The following ABLIM1 variants were observed in gnomAD, a reference collection of about 807,000 sequenced individuals.
The protein encoded by ABLIM1 is actin binding LIM protein 1.
A neutral mutation model predicts 107.0 loss-of-function variants in ABLIM1; 40 were observed. The ratio of observed to expected loss-of-function variants is 0.37; its 90% CI spans 0.29 to 0.49. The LOEUF is 0.49. ABLIM1 is among the 20% of genes least tolerant of loss of function. ABLIM1 has a pLI of 0.97. For missense variants in ABLIM1, 857 were observed against 1,008.5 expected (o/e 0.85, Z 2.04); for synonymous variants, 357 against 357.3 (o/e 1.00, Z 0.01).
At chr10:114,447,406 T>C (rs2061176720) in intron 15 of ABLIM1, among the ~76,000 whole-genome samples, 2 of 152,216 alleles carry the variant, frequency 1.3e-5, no homozygotes, top group African/African-American at 4.8e-5. Flanking sequence ...AAAATGAAAG[T>C]GCTTCAGTGT....
intron 2 of ABLIM1, among the ~76,000 whole-genome samples, chr10:114,583,930 A>T (rs2073904154): frequency 6.6e-6 from 1 of 152,036 alleles, no homozygotes; most frequent in Non-Finnish European, 1.5e-5. Flanking sequence ...GTACATATGG[A>T]CATAAAGATG....
intron 4 of ABLIM1, among the ~76,000 whole-genome samples, chr10:114,569,567 C>T (rs1456543648): frequency 6.6e-6 from 1 of 152,164 alleles, no homozygotes; most frequent in Non-Finnish European, 1.5e-5. Context: ...ATCTGCCCGT[C>T]TCAGCCTCTC....
chr10:114,625,647 G>GC (rs1367816056), intron 1 of ABLIM1, among the ~76,000 whole-genome samples: 5 of 152,184 alleles, frequency 3.3e-5, no homozygotes, highest in African/African-American at 1.2e-4. Context: ...CATAAAAGGG[G>GC]GGGGTACAGT....
chr10:114,690,644 T>C, intron 1 of ABLIM1: 1 of 704,190 alleles, frequency 1.4e-6, no homozygotes, highest in Non-Finnish European at 2.5e-6. Context: ...TGACTATGGC[T>C]GATACTACAG....
At chr10:114,677,666 T>C (rs2080549147) in intron 1 of ABLIM1, among the ~76,000 whole-genome samples, 1 of 152,192 alleles carries the variant, frequency 6.6e-6, no homozygotes, top group South Asian at 2.1e-4. Context: ...TTCCACCTAC[T>C]TGGGAGGCTG....
At chr10:114,481,330 A>G (rs2057339169) in intron 8 of ABLIM1, among the ~76,000 whole-genome samples, 1 of 151,394 alleles carries the variant, frequency 6.6e-6, no homozygotes, top group Non-Finnish European at 1.5e-5. Context: ...ATATTCATCT[A>G]ATTTGCATTT....
rs2081414994 is a variant in ABLIM1 at position 114,706,083 on chromosome 10, C to T, written c.-213+61978G>A. Among the ~76,000 whole-genome samples, 3 of 152,172 alleles carry T rather than the reference C, an allele frequency of 2.0e-5. No homozygotes were observed. In the South Asian group the frequency reaches 6.2e-4, roughly 32 times the overall value. On this transcript the variant is annotated intron_variant, in intron 1 of 15. Transcript: ENST00000651092. ...CTCAAGTGCAAGAAAGACTACAATCCTTCTTGATGACAATCTCAGAATCTG... is the reference window on the plus strand; with the variant it reads ...CTCAAGTGCAAGAAAGACTACAATCTTTCTTGATGACAATCTCAGAATCTG...
intron 1 of ABLIM1, among the ~76,000 whole-genome samples, chr10:114,754,199 G>A (rs79012747): frequency 0.011 from 1,623 of 152,228 alleles, 20 homozygotes; most frequent in African/African-American, 0.036. Flanking sequence ...TGAACTTCTA[G>A]GTCATGTCTA....
chr10:114,619,186 TTCTC>T lies in ABLIM1; in HGVS notation c.245-17229_245-17226del, dbSNP rs1485241402. Among the ~76,000 whole-genome samples, 1 of 151,520 alleles carries T rather than the reference TTCTC, an allele frequency of 6.6e-6. No individual in the cohort carries two copies. Among genetic ancestry groups the T allele is most frequent in the Non-Finnish European group, 1.5e-5 (1 of 67,900 alleles). The stretch of plus-strand genomic sequence containing the variant: ...ATTATATTTTTTCTTTTTTTTTTCT[TTCTC>T]TTTCTTTCTTTTCTTTTTTTTTTTG... On this transcript the variant is annotated intron_variant, in intron 1 of 22. Transcript: ENST00000533213. This position sits in a 1 kb window ranked among gnomAD's most constrained non-coding sequence, Gnocchi z 4.1.
intron 4 of ABLIM1, among the ~76,000 whole-genome samples, chr10:114,548,919 C>T (rs1371748379): frequency 6.6e-6 from 1 of 152,200 alleles, no homozygotes; most frequent in African/African-American, 2.4e-5. Context: ...AAACAACCCC[C>T]TCTTCTGACC....
chr10:114,633,042 C>T (rs577350795), intron 1 of ABLIM1, among the ~76,000 whole-genome samples: 18 of 152,294 alleles, frequency 1.2e-4, no homozygotes, highest in African/African-American at 3.8e-4. Flanking sequence ...GGGTCCCGAC[C>T]GCATGCCATA....
chr10:114,776,687 T>G, the ABLIM1 span, among the ~76,000 whole-genome samples: 1 of 152,206 alleles, frequency 6.6e-6, no homozygotes, highest in Non-Finnish European at 1.5e-5. Context: ...TGCAGTGGTG[T>G]GATCATAGCT....
rs868793808 is a variant in ABLIM1, at chr10:114,663,850, G to A, written c.64+20440C>T. 2.4e-4 allele frequency among the ~76,000 whole-genome samples: 37 copies of A among 152,336 alleles called. 1 individual carries two copies. The Middle Eastern group carries it at 0.017, about 70-fold the overall frequency. On this transcript the variant is annotated intron_variant, in intron 1 of 23. Coordinates refer to the ABLIM1 transcript ENST00000369256. ...ATTTCTCTGCACCTCCCCTGACGGA[G>A]TTGCTGACCTTGGAGCAGGTACACG... is the stretch of plus-strand genomic sequence containing the variant.
intron 8 of ABLIM1, among the ~76,000 whole-genome samples, chr10:114,487,668 T>C (rs2058380740): frequency 6.6e-6 from 1 of 152,228 alleles, no homozygotes; most frequent in African/African-American, 2.4e-5. Flanking sequence ...TGATGAGTCG[T>C]TGTTTTCCCA....
chr10:114,463,132 A>G, intron 12 of ABLIM1: 8 of 1,315,994 alleles, frequency 6.1e-6, no homozygotes, highest in Non-Finnish European at 7.0e-6. Flanking sequence ...GTGCGCAGGT[A>G]CGACAACCTC....
intron 1 of ABLIM1, among the ~76,000 whole-genome samples, chr10:114,725,651 T>G (rs1273419960): frequency 6.6e-6 from 1 of 151,970 alleles, no homozygotes; most frequent in Non-Finnish European, 1.5e-5. Context: ...GGGAGCTATG[T>G]AGGTATCAGG....
At chr10:114,687,510 A>G (rs1445021562), upstream of ABLIM1, among the ~76,000 whole-genome samples, 5 of 152,230 alleles carry the variant, frequency 3.3e-5, no homozygotes, top group Non-Finnish European at 5.9e-5. Flanking sequence ...TCTGTTTGCA[A>G]TTAAGGTATG....
At chr10:114,544,680 C>A (rs1008737124) in intron 6 of ABLIM1, among the ~76,000 whole-genome samples, 2 of 152,164 alleles carry the variant, frequency 1.3e-5, no homozygotes, top group African/African-American at 4.8e-5. Flanking sequence ...GATGTATACA[C>A]ACATGATTTC....
At chr10:114,509,833 T>C (rs999093362) in intron 6 of ABLIM1, among the ~76,000 whole-genome samples, 1 of 152,102 alleles carries the variant, frequency 6.6e-6, no homozygotes. Flanking sequence ...ACTAGGTCAT[T>C]TATAAAGGAA....
Sources: gnomAD v4.1 joint callset for allele counts (sites outside exome capture counted in the v4.1 genomes callset) on GRCh38, gnomAD v4.1.1 for gene constraint, Gnocchi (gnomAD v3.1) non-coding constraint, MANE v1.5 for transcripts, NCBI Gene and HGNC (gene_info 2026-07-23, HGNC 2026-07-21) for gene names.